EYS: variants seen among roughly 807,000 people sequenced by gnomAD.
EYS encodes EGF-like photoreceptor maintenance factor.
A neutral mutation model predicts 282.1 loss-of-function variants in EYS; 250 were observed. That is an observed-to-expected ratio of 0.89 (90% CI 0.80 to 0.98). The LOEUF is 0.98. Among genes scored for constraint, EYS ranks in the 50% least tolerant of loss-of-function variants. EYS has a pLI of 0.00. For missense variants in EYS, 4,016 were observed against 3,709.0 expected (o/e 1.08, Z -2.15); for synonymous variants, 1,355 against 1,282.9 (o/e 1.06, Z -1.20).
chr6:65,216,265 AAAAGTGTT>A (rs1766310413), intron 12 of EYS, among the ~76,000 whole-genome samples: 1 of 152,042 alleles, frequency 6.6e-6, no homozygotes, highest in African/African-American at 2.4e-5. Flanking sequence ...TAAATGAGTA[AAAAGTGTT>A]TACATGAGTG....
At chr6:65,558,447 G>A (rs763136934) in intron 2 of EYS, among the ~76,000 whole-genome samples, 1 of 152,198 alleles carries the variant, frequency 6.6e-6, no homozygotes, top group Non-Finnish European at 1.5e-5. Context: ...AACCTGCAGG[G>A]GCAGGGGGTT....
chr6:65,500,073 G>T (rs1766394340), intron 2 of EYS, among the ~76,000 whole-genome samples: 1 of 151,970 alleles, frequency 6.6e-6, no homozygotes, highest in African/African-American at 2.4e-5. Context: ...ACTTGCCCAA[G>T]CTCACACAAT....
At chr6:65,109,706 T>A (rs1446936551) in intron 12 of EYS, among the ~76,000 whole-genome samples, 1 of 151,614 alleles carries the variant, frequency 6.6e-6, no homozygotes, top group African/African-American at 2.4e-5. Context: ...GTCACAACTG[T>A]GAGCACTGCT....
intron 14 of EYS, among the ~76,000 whole-genome samples, chr6:64,947,722 T>A (rs1287581924): frequency 2.0e-5 from 3 of 151,546 alleles, no homozygotes; most frequent in Non-Finnish European, 4.4e-5. Flanking sequence ...TTATATTTTG[T>A]TTTATGAATG....
intron 16 of EYS, among the ~76,000 whole-genome samples, chr6:64,905,444 C>A (rs1159725435): frequency 6.6e-6 from 1 of 152,174 alleles, no homozygotes; most frequent in Non-Finnish European, 1.5e-5. Flanking sequence ...CAGGGAGGAT[C>A]TTTACATGCA....
chr6:63,868,672 AG>A (rs1214977386), intron 35 of EYS, among the ~76,000 whole-genome samples: 1 of 152,198 alleles, frequency 6.6e-6, no homozygotes, highest in Non-Finnish European at 1.5e-5. Flanking sequence ...CCCAGGCTTT[AG>A]GAGGTATGCA....
intron 12 of EYS, among the ~76,000 whole-genome samples, chr6:65,178,110 G>A (rs1403191751): frequency 6.6e-6 from 1 of 151,794 alleles, no homozygotes; most frequent in African/African-American, 2.4e-5. Flanking sequence ...CACCCCCCGA[G>A]TATCCTGCCA....
Position 64,800,567 on chromosome 6 carries a change from C to T in EYS, c.3443+12811G>A, listed in dbSNP as rs958127805. The stretch of plus-strand genomic sequence containing the variant: ...ATCTAATTTTTTTTTCCAAAGGAAG[C>T]TTTTTTTTTTTTTAAAGTTTAGTCT... On this transcript the variant is annotated intron_variant, in intron 22 of 42. Coordinates refer to ENST00000503581, the MANE Select transcript of EYS (RefSeq NM_001142800.2). 2.1e-5 allele frequency among the ~76,000 whole-genome samples: 3 copies of T among 145,508 alleles called. 1 individual carries two copies. The highest frequency in any genetic ancestry group is 7.6e-5 in the African/African-American group (3 of 39,726).
intron 5 of EYS, among the ~76,000 whole-genome samples, chr6:65,457,172 T>A (rs2150406699): frequency 6.6e-6 from 1 of 152,274 alleles, no homozygotes; most frequent in South Asian, 2.1e-4. Context: ...GTGTTTTATT[T>A]ATTTATTTTT....
intron 1 of EYS, among the ~76,000 whole-genome samples, chr6:65,674,815 A>G (rs1768520975): frequency 6.6e-6 from 1 of 152,094 alleles, no homozygotes; most frequent in Non-Finnish European, 1.5e-5. Flanking sequence ...AGCAAAGGTA[A>G]ATATTTAATG....
At chr6:64,649,994 T>A (rs1179480542) in intron 22 of EYS, among the ~76,000 whole-genome samples, 7 of 152,122 alleles carry the variant, frequency 4.6e-5, no homozygotes, top group Admixed American at 3.9e-4. Context: ...AATCATCATT[T>A]AGAACAAATT....
At chr6:64,720,400 C>T (rs1771539899) in intron 22 of EYS, among the ~76,000 whole-genome samples, 1 of 152,152 alleles carries the variant, frequency 6.6e-6, no homozygotes, top group African/African-American at 2.4e-5. Context: ...AAGTAAATTT[C>T]CCTGTGCCCT....
rs923593126 is a variant in EYS at position 65,571,026 on chromosome 6, T to G, written c.-333+68752A>C. 1.3e-3 allele frequency among the ~76,000 whole-genome samples: 194 copies of G among 152,234 alleles called. 1 individual carries two copies. The highest frequency in any genetic ancestry group is 4.5e-3 in the African/African-American group (189 of 41,564). On this transcript the variant is annotated intron_variant, in intron 2 of 42. Transcript: ENST00000503581. ...TGTTCTGTAAGGTTGCCATAAATAC[T>G]GAATAATTGCTTTGGTGGGGCGGGA...
chr6:64,019,774 G>A (rs1769087989), intron 33 of EYS, among the ~76,000 whole-genome samples: 1 of 149,536 alleles, frequency 6.7e-6, no homozygotes, highest in African/African-American at 2.5e-5. Flanking sequence ...TACTAACAGT[G>A]TTCAATAGTT....
At position 63,806,161 on chromosome 6, in the gene EYS, C is replaced by A. The variant is rs563179129; in HGVS notation, c.7411+29G>T. 7.2e-6 allele frequency: 11 copies of A among 1,524,556 alleles called. No homozygotes were observed. The South Asian group carries it at 1.1e-4, about 15-fold the overall frequency. 94.4% of individuals were successfully genotyped at this position (1,524,556 alleles called of 1,614,324 possible). A position where few individuals can be genotyped will look rare whatever the true frequency, so the allele number is the denominator to read the frequency against. On this transcript the variant is annotated intron_variant, in intron 37 of 42. Coordinates refer to ENST00000503581, the MANE Select transcript of EYS (RefSeq NM_001142800.2). ...CTAAAGTATTCTTAAAGGAGCGAGG[C>A]AAGTCCTAGAGGGTTCAGTTAATCT...
At chr6:64,753,109 T>C (rs569879867) in intron 22 of EYS, among the ~76,000 whole-genome samples, 4 of 152,114 alleles carry the variant, frequency 2.6e-5, no homozygotes, top group African/African-American at 9.6e-5. Flanking sequence ...AGTTCAAACA[T>C]GGAGATAAAA....
At chr6:65,060,637 C>G (rs1773543182) in intron 12 of EYS, among the ~76,000 whole-genome samples, 1 of 151,828 alleles carries the variant, frequency 6.6e-6, no homozygotes, top group Non-Finnish European at 1.5e-5. Flanking sequence ...CCTTTTAAAA[C>G]CTGGATCATC....
At chr6:64,963,930 G>A (rs1235132516) in intron 14 of EYS, among the ~76,000 whole-genome samples, 5 of 152,022 alleles carry the variant, frequency 3.3e-5, no homozygotes, top group South Asian at 2.1e-4. Flanking sequence ...AATATATTAT[G>A]TTGTACTTTT....
intron 8 of EYS, among the ~76,000 whole-genome samples, chr6:65,368,008 G>T (rs983528019): frequency 1.3e-5 from 2 of 151,542 alleles, no homozygotes; most frequent in Non-Finnish European, 2.9e-5. Flanking sequence ...CAGCATGGGT[G>T]GGAAAGCCTC....
Sources: gnomAD v4.1 joint callset for allele counts (sites outside exome capture counted in the v4.1 genomes callset) on GRCh38, gnomAD v4.1.1 for gene constraint, MANE v1.5 for transcripts, NCBI Gene and HGNC (gene_info 2026-07-23, HGNC 2026-07-21) for gene names.